The following ZFYVE16 variants were observed in gnomAD, a reference collection of about 807,000 sequenced individuals.
The protein encoded by ZFYVE16 is zinc finger FYVE domain-containing protein 16.
Under a neutral mutation model 138.1 loss-of-function variants are expected in ZFYVE16, and 89 were observed. The ratio of observed to expected loss-of-function variants is 0.64; its 90% CI spans 0.54 to 0.77. ZFYVE16 has a LOEUF of 0.77. Among genes scored for constraint, ZFYVE16 ranks in the 30% least tolerant of loss-of-function variants. The probability of loss-of-function intolerance (pLI) is 0.00; values close to 1 mark genes in which losing one functional copy is unlikely to be tolerated. For synonymous variants in ZFYVE16, 596 were observed against 618.3 expected (o/e 0.96, Z 0.53); for missense variants, 1,793 against 1,786.7 (o/e 1.00, Z -0.06).
chr5:80,427,610 C>CTTTTTTTTTTTTTTTTTTTTTTTGTTTTT, intron 2 of ZFYVE16, 65 bp downstream of exon 2: 1 of 50,006 alleles, frequency 2.0e-5, no homozygotes, highest in Non-Finnish European at 4.1e-5. Context: ...CTGTCGTATG[C>CTTTTTTTTTTTTTTTTTTTTTTTGTTTTT]TTTTTTTTTT....
chr5:80,422,556 G>A (rs189006572), intron 1 of ZFYVE16, among the ~76,000 whole-genome samples: 4 of 152,134 alleles, frequency 2.6e-5, no homozygotes, highest in Non-Finnish European at 5.9e-5. Context: ...CCGGATTCAA[G>A]TGATTCTCCT....
In ZFYVE16 at chr5:80,437,898, G is replaced by A. The variant is rs1750168646; in HGVS notation, c.1213G>A (p.Asp405Asn). 1 of 1,613,936 alleles carries A rather than the reference G, an allele frequency of 6.2e-7. No homozygotes were observed. The highest frequency in any genetic ancestry group is 8.5e-7 in the Non-Finnish European group (1 of 1,179,920). ...TTTTTTACCTCAGCATGAACATAAA[G>A]ATAATATACAAGATGCAGTGACTAT... ...GDFLPQHEHKDNIQDAVTIHE... is the reference protein window; with the variant it reads ...GDFLPQHEHKNNIQDAVTIHE... The change falls in exon 4 of 19, where the codon GAT becomes AAT. Residue 405 changes from aspartate to asparagine, a missense_variant. Physicochemically the swap from Asp to Asn is conservative, Grantham distance 23. Around this residue, in one of 2 missense-constraint regions of ZFYVE16, gnomAD observed 1,295 missense variants for 1,204.3 expected, o/e 1.08. Transcript: ENST00000505560.
At chr5:80,440,260 A>G (rs2112393201) in intron 5 of ZFYVE16, 1 of 1,156,752 alleles carries the variant, frequency 8.6e-7, no homozygotes, top group South Asian at 3.3e-5. Flanking sequence ...GTGGCAGTTC[A>G]TTAACTTTTA....
chr5:80,455,695 A>G lies in ZFYVE16; in HGVS notation c.3611A>G (p.Tyr1204Cys). The G allele has an allele frequency of 6.2e-7, 1 of 1,605,664 alleles. No individual in the cohort carries two copies. The highest frequency in any genetic ancestry group is 8.5e-7 in the Non-Finnish European group (1 of 1,177,794). ...AGTTTTCCTTTCTTATGTATAGCAT[A>G]TCCTGCTCCTCTAACAAGCATCAGA... ...MLRLGAEYKA[Y>C]PAPLTSIRGR... Residue 1204 changes from tyrosine to cysteine, a missense_variant, in exon 12 of 19, where the codon TAT becomes TGT. By Grantham distance (194) the Tyr-to-Cys change is radical (BLOSUM62 -2). This residue lies in a region of ZFYVE16 where 498 missense variants were observed against 582.4 expected (regional missense o/e 0.86). Coordinates refer to ENST00000505560, the MANE Select transcript of ZFYVE16 (RefSeq NM_001284236.3).
At chr5:80,469,554 T>C (rs1010913225) in intron 15 of ZFYVE16, among the ~76,000 whole-genome samples, 11 of 152,176 alleles carry the variant, frequency 7.2e-5, no homozygotes, top group Non-Finnish European at 1.5e-4. Flanking sequence ...TCAGTCTGTT[T>C]TTGAGATACC....
chr5:80,422,547 CG>C (rs1561238718), intron 1 of ZFYVE16, among the ~76,000 whole-genome samples: 1 of 152,034 alleles, frequency 6.6e-6, no homozygotes, highest in Non-Finnish European at 1.5e-5. Context: ...CTCCGCCTCC[CG>C]GATTCAAGTG....
At chr5:80,476,006 C>T (rs143909874) in intron 18 of ZFYVE16, among the ~76,000 whole-genome samples, 6,089 of 152,230 alleles carry the variant, frequency 0.04, 177 homozygotes, top group Non-Finnish European at 0.064. Context: ...TGCAGTGGCA[C>T]GATTTTGGCT....
chr5:80,431,679 T>G (rs1580176465), intron 2 of ZFYVE16, among the ~76,000 whole-genome samples: 1 of 151,950 alleles, frequency 6.6e-6, no homozygotes, highest in Admixed American at 6.6e-5. Flanking sequence ...GATTGTATAT[T>G]TAGAAAACCC....
At chr5:80,475,859 T>C (rs534258031) in intron 18 of ZFYVE16, among the ~76,000 whole-genome samples, 64 of 152,364 alleles carry the variant, frequency 4.2e-4, no homozygotes, top group African/African-American at 1.5e-3. Context: ...GGCCTGAGTA[T>C]ATACGCAATA....
intron 5 of ZFYVE16, chr5:80,441,379 G>A: frequency 1.0e-6 from 1 of 985,334 alleles, no homozygotes; most frequent in Non-Finnish European, 1.2e-6. Context: ...AAATACTGTG[G>A]AATGAGCTTA....
chr5:80,430,323 C>T (rs1748810204), intron 2 of ZFYVE16, among the ~76,000 whole-genome samples: 1 of 151,660 alleles, frequency 6.6e-6, no homozygotes, highest in Admixed American at 6.6e-5. Context: ...ACTGAACAAC[C>T]TGCTCCTGAA....
In ZFYVE16 at chr5:80,472,759, A is replaced by C; in HGVS notation, c.4025-2A>C. The C allele has an allele frequency of 6.2e-7, 1 of 1,611,064 alleles. No homozygotes were observed. The highest frequency in any genetic ancestry group is 8.5e-7 in the Non-Finnish European group (1 of 1,178,936). ...AAATGTGAAACTTAGTCTCATTTCT[A>C]GATGGCTTAATGGTACAAATAACTC... On this transcript the variant is annotated splice_acceptor_variant, in intron 15 of 18. Transcript: ENST00000505560. LOFTEE classifies it high-confidence loss of function.
chr5:80,415,671 T>C (rs1344426140), intron 1 of ZFYVE16, among the ~76,000 whole-genome samples: 1 of 152,014 alleles, frequency 6.6e-6, no homozygotes, highest in African/African-American at 2.4e-5. Context: ...GACTTGCCAC[T>C]TTTCTTTTTT....
intron 1 of ZFYVE16, among the ~76,000 whole-genome samples, chr5:80,423,037 A>G (rs1180699885): frequency 2.6e-5 from 4 of 152,110 alleles, no homozygotes; most frequent in African/African-American, 7.2e-5. Context: ...TGCTGGTCTT[A>G]TAGTATAAGT....
chr5:80,448,484 T>C, intron 8 of ZFYVE16, 80 bp downstream of exon 8: 1 of 1,311,286 alleles, frequency 7.6e-7, no homozygotes, highest in Non-Finnish European at 9.8e-7. Flanking sequence ...TGAAATGTAT[T>C]TTTTTAACTT....
intron 14 of ZFYVE16, among the ~76,000 whole-genome samples, 154 bp from the exon 15 acceptor site, chr5:80,459,259 TC>T (rs1310991839): frequency 6.6e-6 from 1 of 152,052 alleles, no homozygotes; most frequent in African/African-American, 2.4e-5. Context: ...ATATTTTATC[TC>T]TTTTTTTTGT....
chr5:80,435,665 C>G (rs1436676311), intron 3 of ZFYVE16: 3 of 382,072 alleles, frequency 7.9e-6, no homozygotes, highest in Non-Finnish European at 1.6e-5. Context: ...AATTCCTGCC[C>G]TCAGGCAATC....
intron 15 of ZFYVE16, among the ~76,000 whole-genome samples, chr5:80,462,765 G>GT (rs1753269592): frequency 6.6e-6 from 1 of 152,338 alleles, no homozygotes; most frequent in African/African-American, 2.4e-5. Context: ...GAGCAAGTTA[G>GT]TTACTTCCTA....
chr5:80,439,324 T>A (rs1750386976), intron 4 of ZFYVE16, among the ~76,000 whole-genome samples: 1 of 152,214 alleles, frequency 6.6e-6, no homozygotes, highest in Non-Finnish European at 1.5e-5. Flanking sequence ...TATTCCAGAT[T>A]TGGTCAGATT....
Sources: allele counts gnomAD v4.1 joint callset (sites outside exome capture counted in the v4.1 genomes callset), GRCh38; gene constraint gnomAD v4.1.1; regional missense constraint gnomAD v4.1.1; transcripts MANE v1.5; gene names NCBI Gene and HGNC (gene_info 2026-07-23, HGNC 2026-07-21).